Variants in ULK4 observed in about 807,000 individuals in gnomAD.
ULK4 encodes inactive serine/threonine-protein kinase ULK4.
In ULK4, 133 loss-of-function variants were observed where a neutral mutation model predicts 160.6. The ratio of observed to expected loss-of-function variants is 0.83; its 90% confidence interval spans 0.72 to 0.96. The LOEUF (loss-of-function observed/expected upper bound fraction) is 0.96. Ranked by LOEUF, ULK4 falls within the 40% of genes least tolerant of loss-of-function variation. ULK4 has a pLI of 0.00. For missense variants in ULK4, 1,580 were observed against 1,499.5 expected, an observed-to-expected ratio of 1.05 and a Z score of -0.89; for synonymous variants, 534 against 539.8, an observed-to-expected ratio of 0.99 and a Z score of 0.15.
chr3:41,438,995 A>G (rs1174413761), intron 34 of ULK4, among the ~76,000 whole-genome samples: 4 of 146,456 alleles, frequency 2.7e-5, no homozygotes, highest in African/African-American at 7.6e-5. Context: ...AAAAAAAAAA[A>G]GGAAAAAGAA....
intron 29 of ULK4, among the ~76,000 whole-genome samples, chr3:41,679,114 T>A (rs866846149): frequency 9.0e-4 from 137 of 152,332 alleles, no homozygotes; most frequent in African/African-American, 3.1e-3. Context: ...ATAAGCATTA[T>A]ACATTTTAAT....
intron 32 of ULK4, among the ~76,000 whole-genome samples, chr3:41,465,197 G>T (rs915812641): frequency 5.9e-5 from 9 of 152,134 alleles, no homozygotes; most frequent in Admixed American, 1.3e-4. Context: ...TCACTTCAGG[G>T]TCAAAATGCA....
intron 32 of ULK4, among the ~76,000 whole-genome samples, chr3:41,485,921 G>C (rs774672045): frequency 6.6e-6 from 1 of 152,130 alleles, no homozygotes; most frequent in Non-Finnish European, 1.5e-5. Context: ...AAATAAATAA[G>C]GAAACCTGGT....
At chr3:41,569,228 T>C (rs2087886592) in intron 31 of ULK4, among the ~76,000 whole-genome samples, 1 of 152,168 alleles carries the variant, frequency 6.6e-6, no homozygotes, top group Non-Finnish European at 1.5e-5. Flanking sequence ...ATTATATCAC[T>C]GGCCATGAGT....
chr3:41,484,553 C>T (rs947505546), intron 32 of ULK4, among the ~76,000 whole-genome samples: 16 of 151,716 alleles, frequency 1.1e-4, no homozygotes, highest in African/African-American at 1.4e-4. Flanking sequence ...CCCGGGTTCA[C>T]GCCATTCTAC....
chr3:41,257,975 C>A (rs1394100804), intron 35 of ULK4, among the ~76,000 whole-genome samples: 1 of 152,058 alleles, frequency 6.6e-6, no homozygotes, highest in African/African-American at 2.4e-5. Context: ...TACTATGATA[C>A]CAAACCATTT....
intron 35 of ULK4, among the ~76,000 whole-genome samples, chr3:41,310,651 AG>A (rs2080030949): frequency 6.6e-6 from 1 of 152,200 alleles, no homozygotes; most frequent in South Asian, 2.1e-4. Context: ...ATTTATCAAA[AG>A]CATAAAAACA....
At chr3:41,387,456 T>G (rs922263795) in intron 35 of ULK4, among the ~76,000 whole-genome samples, 1 of 152,074 alleles carries the variant, frequency 6.6e-6, no homozygotes, top group Non-Finnish European at 1.5e-5. Context: ...ATGTGCCATG[T>G]TGGTGTGCTG....
intron 17 of ULK4, among the ~76,000 whole-genome samples, chr3:41,838,779 TC>T (rs1483413372): frequency 1.3e-5 from 2 of 152,146 alleles, no homozygotes; most frequent in African/African-American, 4.8e-5. Context: ...TAAACAGACA[TC>T]CACAATTACA....
chr3:41,857,694 A>G (rs778758866), intron 17 of ULK4, among the ~76,000 whole-genome samples: 18 of 152,140 alleles, frequency 1.2e-4, no homozygotes, highest in Non-Finnish European at 1.9e-4. Flanking sequence ...CAATCTTGGT[A>G]GATTTTATGT....
chr3:41,862,446 G>A (rs926179009), intron 17 of ULK4, among the ~76,000 whole-genome samples: 1 of 152,154 alleles, frequency 6.6e-6, no homozygotes, highest in African/African-American at 2.4e-5. Context: ...CCTGGATGGT[G>A]TTGATGTTAG....
chr3:41,509,458 A>G (rs191259596), intron 32 of ULK4, among the ~76,000 whole-genome samples: 227 of 152,326 alleles, frequency 1.5e-3, no homozygotes, highest in African/African-American at 4.7e-3. Flanking sequence ...ACATCCAAAT[A>G]TAAGAAGCTC....
rs1406659967 is a variant in ULK4, at chr3:41,681,610, G to A, written c.2876C>T (p.Thr959Ile). The A allele has an allele frequency of 3.1e-6, 5 of 1,613,788 alleles. No homozygotes were observed. The highest frequency in any genetic ancestry group is 4.2e-6 in the Non-Finnish European group (5 of 1,179,986). The change falls in exon 29 of 37, where the codon ACA (threonine) becomes ATA (isoleucine). Residue 959 changes from threonine (T) to isoleucine (I), a missense_variant. Thr to Ile is a moderately conservative substitution (Grantham distance 89). Transcript: ENST00000301831. ...AAACTCCTGGTTCACGAGTAGAGAT[G>A]TGGTTTCTGAGAGCAACCGCAAGCT... is the stretch of plus-strand genomic sequence containing the variant. ...LFSLRLLSET[T>I]SLLVNQEFGD...
chr3:41,365,404 G>C (rs1286946423), intron 35 of ULK4, among the ~76,000 whole-genome samples: 1 of 151,952 alleles, frequency 6.6e-6, no homozygotes, highest in Non-Finnish European at 1.5e-5. Flanking sequence ...GCAATTCTGT[G>C]GGCAAAAAGT....
rs1199516780 is a variant in ULK4 at position 41,822,722 on chromosome 3, A to ATTTTTTTT, written c.1765-3224_1765-3217dup. Among the ~76,000 whole-genome samples the ATTTTTTTT allele has an allele frequency of 2.5e-3, 270 of 109,442 alleles. 8 individuals carry two copies. Among genetic ancestry groups the ATTTTTTTT allele is most frequent in the South Asian group, 4.8e-3 (17 of 3,526 alleles). 71.8% of individuals were successfully genotyped at this position (109,442 alleles called of 152,430 possible). A position where few individuals can be genotyped will look rare whatever the true frequency, so the allele number is the denominator to read the frequency against. ...GCATAAGCCACCATGCCGGGCTGAGATTTTTTTTTTTTTTTTTTTGAGACA... is the reference window on the plus strand; with the variant it reads ...GCATAAGCCACCATGCCGGGCTGAGATTTTTTTTTTTTTTTTTTTTTTTTTTTGAGACA... On this transcript the variant is annotated intron_variant, in intron 18 of 36. Transcript: ENST00000301831.
chr3:41,414,793 A>C (rs1204619142), intron 34 of ULK4, among the ~76,000 whole-genome samples: 1 of 152,190 alleles, frequency 6.6e-6, no homozygotes, highest in Non-Finnish European at 1.5e-5. Flanking sequence ...TCCAGATGAC[A>C]CAGCTCAAGG....
At chr3:41,641,746 A>C (rs1257177124) in intron 30 of ULK4, among the ~76,000 whole-genome samples, 1 of 152,160 alleles carries the variant, frequency 6.6e-6, no homozygotes. Flanking sequence ...GAACATGCTT[A>C]AACGATTTAT....
At chr3:41,312,935 G>A (rs145412015) in intron 35 of ULK4, among the ~76,000 whole-genome samples, 1 of 152,204 alleles carries the variant, frequency 6.6e-6, no homozygotes, top group East Asian at 1.9e-4. Flanking sequence ...GAAAAGTAAT[G>A]AGCTCATCAT....
In ULK4 at chr3:41,411,015, T is replaced by C. The variant is rs115158268; in HGVS notation, c.3493-12751A>G. Among the ~76,000 whole-genome samples, 488 of 152,358 alleles carry C rather than the reference T, an allele frequency of 3.2e-3. 10 individuals are homozygous for C. Among genetic ancestry groups the C allele is most frequent in the African/African-American group, 0.012 (479 of 41,586 alleles). ...TACAGGAGTGGAGGTTAGGACTTTATCTTTTCCAGAGGACACAAGTTAACC... is the reference window on the plus strand; with the variant it reads ...TACAGGAGTGGAGGTTAGGACTTTACCTTTTCCAGAGGACACAAGTTAACC... On this transcript the variant is annotated intron_variant, in intron 34 of 36. Transcript: ENST00000301831.
Sources: gnomAD v4.1 joint callset for allele counts (sites outside exome capture counted in the v4.1 genomes callset) on GRCh38, gnomAD v4.1.1 for gene constraint, MANE v1.5 for transcripts, NCBI Gene and HGNC (gene_info 2026-07-23, HGNC 2026-07-21) for gene names.